IGSF5: variants seen among roughly 807,000 people sequenced by gnomAD.
The protein encoded by IGSF5 is immunoglobulin superfamily 5 like.
IGSF5 carries 41 observed loss-of-function variants against 39.4 expected under a neutral mutation model. That is an observed-to-expected ratio of 1.04 (90% CI 0.81 to 1.35). The LOEUF is 1.35. Among genes scored for constraint, IGSF5 ranks in the 40% most tolerant of loss-of-function variants. The pLI is 0.00. For synonymous variants in IGSF5, 183 were observed against 175.3 expected, an observed-to-expected ratio of 1.04 and a Z score of -0.34; for missense variants, 487 against 494.6, an observed-to-expected ratio of 0.98 and a Z score of 0.15.
chr21:39,746,551 T>G (rs993612213), intron 2 of IGSF5, among the ~76,000 whole-genome samples: 2 of 152,232 alleles, frequency 1.3e-5, no homozygotes, highest in Non-Finnish European at 2.9e-5. Flanking sequence ...GTTTATTTTT[T>G]TGAATCAATA....
chr21:39,741,942 T>C (rs1054023679), upstream of IGSF5, among the ~76,000 whole-genome samples: 1 of 152,088 alleles, frequency 6.6e-6, no homozygotes. Context: ...AATTGGAGTA[T>C]TGCAGGGGCT....
chr21:39,776,893 C>G (rs895624744), intron 4 of IGSF5, among the ~76,000 whole-genome samples: 1 of 152,194 alleles, frequency 6.6e-6, no homozygotes, highest in Non-Finnish European at 1.5e-5. Context: ...ATTAAGAAAA[C>G]TTGTTATATA....
chr21:39,774,211 G>T (rs1270799677), intron 4 of IGSF5, among the ~76,000 whole-genome samples: 2 of 152,222 alleles, frequency 1.3e-5, no homozygotes, highest in Non-Finnish European at 2.9e-5. Context: ...ATTAGCTGAA[G>T]ACCTCATTGC....
rs1267371117 is a variant in IGSF5, at chr21:39,745,495, C to T, written c.-15C>T. 23 of 715,810 alleles carry T rather than the reference C, an allele frequency of 3.2e-5. 1 individual carries two copies. Among genetic ancestry groups the T allele is most frequent in the Admixed American group, 2.2e-4 (11 of 49,956 alleles). The allele number at this position is 715,810 out of a possible 1,614,324, so 44.3% of individuals were successfully genotyped here. The stretch of plus-strand genomic sequence containing the variant: ...GCTATACTTTCAAGAAAGTCGTGTT[C>T]GGGACCCAGGAGGTATGGGTCAGAA... On this transcript the variant is annotated 5_prime_UTR_variant, in exon 1 of 9. Transcript: ENST00000380588.
chr21:39,798,070 G>A (rs2087007698), intron 8 of IGSF5, among the ~76,000 whole-genome samples: 1 of 152,204 alleles, frequency 6.6e-6, no homozygotes, highest in Non-Finnish European at 1.5e-5. Context: ...GGTCACTGAT[G>A]AGGCCCTTGG....
intron 2 of IGSF5, among the ~76,000 whole-genome samples, chr21:39,763,473 A>G (rs1810925109): frequency 6.6e-6 from 1 of 152,182 alleles, no homozygotes; most frequent in South Asian, 2.1e-4. Flanking sequence ...GCTGCAGAAT[A>G]GGGTTATTTG....
At chr21:39,763,640 G>C (rs2080071586) in intron 2 of IGSF5, among the ~76,000 whole-genome samples, 2 of 152,104 alleles carry the variant, frequency 1.3e-5, no homozygotes, top group South Asian at 4.1e-4. Context: ...GTGTGGCCCG[G>C]ACTTCTCACA....
At chr21:39,732,622 G>A in the IGSF5 span, among the ~76,000 whole-genome samples, 1 of 152,204 alleles carries the variant, frequency 6.6e-6, no homozygotes, top group African/African-American at 2.4e-5. Flanking sequence ...CAAAACGTGG[G>A]ATTGTAAATT....
At chr21:39,719,340 C>T in the IGSF5 span, among the ~76,000 whole-genome samples, 1 of 152,098 alleles carries the variant, frequency 6.6e-6, no homozygotes, top group Non-Finnish European at 1.5e-5. Flanking sequence ...GGGCAGAAGC[C>T]ATGTCTGTTT....
At chr21:39,727,437 G>A in the IGSF5 span, among the ~76,000 whole-genome samples, 430 of 152,312 alleles carry the variant, frequency 2.8e-3, 4 homozygotes, top group African/African-American at 9.6e-3. Flanking sequence ...GGAGATTGTC[G>A]GTGGCTTCTT....
chr21:39,721,389 G>T, the IGSF5 span, among the ~76,000 whole-genome samples: 1 of 152,144 alleles, frequency 6.6e-6, no homozygotes, highest in Admixed American at 6.6e-5. Flanking sequence ...AGGCAATTCT[G>T]AAATCTGTAA....
chr21:39,799,318 C>G (rs545958312), intron 8 of IGSF5, among the ~76,000 whole-genome samples: 1 of 152,120 alleles, frequency 6.6e-6, no homozygotes, highest in African/African-American at 2.4e-5. Context: ...CTATAAATAC[C>G]GCTGCCTTGG....
At chr21:39,793,946 A>T (rs1198582602) in intron 8 of IGSF5, among the ~76,000 whole-genome samples, 1 of 152,136 alleles carries the variant, frequency 6.6e-6, no homozygotes, top group Non-Finnish European at 1.5e-5. Flanking sequence ...GTTCTCTTTG[A>T]GCCATATTCT....
intron 5 of IGSF5, among the ~76,000 whole-genome samples, chr21:39,784,405 A>T (rs575971337): frequency 2.0e-5 from 3 of 152,300 alleles, no homozygotes; most frequent in African/African-American, 7.2e-5. Context: ...TCTCATAAGA[A>T]GATTAACCGA....
the IGSF5 span, among the ~76,000 whole-genome samples, chr21:39,716,780 G>A: frequency 2.6e-5 from 4 of 152,278 alleles, no homozygotes; most frequent in East Asian, 7.7e-4. Context: ...CTATGTCTTT[G>A]CTATGGTGAA....
chr21:39,785,041 C>CT (rs35890894), intron 5 of IGSF5, among the ~76,000 whole-genome samples: 39,092 of 148,840 alleles, frequency 0.26, 6,447 homozygotes, highest in East Asian at 0.47. Context: ...GTTCCCTTTT[C>CT]TTTTTTTTAA....
At position 39,785,227 on chromosome 21, in the gene IGSF5, G is replaced by A. The variant is rs542779176; in HGVS notation, c.935-2940G>A. On this transcript the variant is annotated intron_variant, in intron 5 of 8. Transcript: ENST00000380588. The stretch of plus-strand genomic sequence containing the variant: ...CCACAAAACCCTAGAAGAAAACCTA[G>A]GCAATACCATTCAGGACATAGGCAT... Among the ~76,000 whole-genome samples, 66 of 145,250 alleles carry A rather than the reference G, an allele frequency of 4.5e-4. 1 individual carries two copies. Among genetic ancestry groups the A allele is most frequent in the Middle Eastern group, 8.1e-3 (2 of 246 alleles).
upstream of IGSF5, among the ~76,000 whole-genome samples, chr21:39,744,308 G>A (rs563920986): frequency 3.3e-5 from 5 of 152,340 alleles, no homozygotes; most frequent in East Asian, 1.9e-4. Flanking sequence ...CCATCAAGAT[G>A]CATTCCCATA....
chr21:39,734,624 T>A, the IGSF5 span, among the ~76,000 whole-genome samples: 1 of 152,094 alleles, frequency 6.6e-6, no homozygotes, highest in Admixed American at 6.5e-5. Context: ...TTTTCAGAAC[T>A]AATTCTAAGG....
Sources: allele counts gnomAD v4.1 joint callset (sites outside exome capture counted in the v4.1 genomes callset), GRCh38; gene constraint gnomAD v4.1.1; transcripts MANE v1.5; gene names NCBI Gene and HGNC (gene_info 2026-07-23, HGNC 2026-07-21).